Variants in SEC61A2 observed in about 807,000 individuals in gnomAD.
SEC61A2 encodes SEC61 translocon subunit alpha 2.
Under a neutral mutation model 59.9 loss-of-function variants are expected in SEC61A2, and 28 were observed. The observed-to-expected ratio is 0.47, with a 90% CI of 0.35 to 0.64. The LOEUF is 0.64. Among genes scored for constraint, SEC61A2 ranks in the 30% least tolerant of loss-of-function variants. SEC61A2 has a pLI of 0.01. For missense variants in SEC61A2, 340 were observed against 585.9 expected (o/e 0.58, Z 4.33); for synonymous variants, 202 against 214.4 (o/e 0.94, Z 0.50).
Position 12,164,673 on chromosome 10 carries a change from A to C in SEC61A2, c.*219A>C. ...TTACATTATTCATTAAAAAAAGTAC[A>C]TCTAGTGTTGCCTGTAATGCTGGAA... On this transcript the variant is annotated 3_prime_UTR_variant, in exon 12 of 12. Transcript: ENST00000298428. The surrounding 1 kb of genome is among the most constrained non-coding windows in gnomAD (Gnocchi z 7.3). The C allele has an allele frequency of 7.5e-7, 1 of 1,339,122 alleles. No individual in the cohort carries two copies. The highest frequency in any genetic ancestry group is 1.8e-5 in the South Asian group (1 of 56,878). 83.0% of individuals were successfully genotyped at this position (1,339,122 alleles called of 1,614,324 possible). A position where few individuals can be genotyped will look rare whatever the true frequency, so the allele number is the denominator to read the frequency against.
intron 1 of SEC61A2, among the ~76,000 whole-genome samples, chr10:12,131,968 A>G: frequency 2.4e-5 from 1 of 42,524 alleles, no homozygotes; most frequent in Non-Finnish European, 4.3e-5. Flanking sequence ...AAGTGCTGGG[A>G]TTACAGGCGT....
chr10:12,147,710 A>G (rs982868217), intron 4 of SEC61A2, among the ~76,000 whole-genome samples: 1 of 151,614 alleles, frequency 6.6e-6, no homozygotes, highest in Non-Finnish European at 1.5e-5. Context: ...ATTTCTATAC[A>G]TGTAGCATTT....
downstream of SEC61A2, chr10:12,165,942 T>C (rs904794478): frequency 2.0e-5 from 3 of 152,346 alleles, no homozygotes; most frequent in African/African-American, 7.2e-5. Context: ...GGTGGAAATA[T>C]GGCTTTTAAT....
chr10:12,136,236 T>C, intron 3 of SEC61A2, 66 bp downstream of exon 3: 1 of 1,032,688 alleles, frequency 9.7e-7, no homozygotes, highest in Non-Finnish European at 1.5e-6. Flanking sequence ...GGTTAGAATT[T>C]GAGAATTTTT....
At chr10:12,133,145 C>A in intron 1 of SEC61A2, 96 bp from the exon 2 acceptor site, 1 of 625,064 alleles carries the variant, frequency 1.6e-6, no homozygotes, top group South Asian at 2.1e-5. Context: ...GGGTGAATTG[C>A]TGGTGAAAGA....
intron 11 of SEC61A2, among the ~76,000 whole-genome samples, chr10:12,163,839 GT>G (rs1486086334): frequency 3.3e-5 from 5 of 151,884 alleles, no homozygotes; most frequent in African/African-American, 1.2e-4. Context: ...CCATTTTTCA[GT>G]TTTCCAGGTG....
At chr10:12,144,777 G>A (rs999677600) in intron 4 of SEC61A2, among the ~76,000 whole-genome samples, 3 of 152,170 alleles carry the variant, frequency 2.0e-5, no homozygotes, top group East Asian at 1.9e-4. Context: ...GGGGCCAGGC[G>A]CAGGGGCTCA....
Position 12,155,346 on chromosome 10 carries a change from A to G in SEC61A2, c.463-432A>G, listed in dbSNP as rs560977399. The G allele has an allele frequency of 5.0e-6, 8 of 1,584,832 alleles. No individual in the cohort carries two copies. In the East Asian group the frequency reaches 1.6e-4, roughly 31 times the overall value. ...GCCCTTAGACTTATCCTTTGATGGC[A>G]GTGTACATTTCCATCTTGCTATTAT... On this transcript the variant is annotated intron_variant, in intron 6 of 11. Coordinates refer to ENST00000298428, the MANE Select transcript of SEC61A2 (RefSeq NM_018144.4). The surrounding 1 kb of genome is among the most constrained non-coding windows in gnomAD (Gnocchi z 4.3).
At position 12,152,761 on chromosome 10, in the gene SEC61A2, C is replaced by T. The variant is rs186033578; in HGVS notation, c.462+2800C>T. ...TACAAAAATTAGCAGGGCGTGGTGG[C>T]AGGAGCCTGTAGTCCCAGCTATTTG... On this transcript the variant is annotated intron_variant, in intron 6 of 11. Coordinates refer to ENST00000298428, the MANE Select transcript of SEC61A2 (RefSeq NM_018144.4). The surrounding 1 kb of genome is among the most constrained non-coding windows in gnomAD (Gnocchi z 5.5). Among the ~76,000 whole-genome samples, 4 of 152,058 alleles carry T rather than the reference C, an allele frequency of 2.6e-5. No homozygotes were observed. Among genetic ancestry groups the T allele is most frequent in the African/African-American group, 9.6e-5 (4 of 41,526 alleles).
intron 1 of SEC61A2, among the ~76,000 whole-genome samples, chr10:12,131,820 A>G (rs1467229271): frequency 1.5e-5 from 2 of 136,690 alleles, no homozygotes; most frequent in African/African-American, 5.4e-5. Context: ...CCTCCTGGGG[A>G]GGGGGGACTA....
chr10:12,134,878 C>T (rs1319336699), intron 2 of SEC61A2, among the ~76,000 whole-genome samples: 5 of 150,948 alleles, frequency 3.3e-5, no homozygotes, highest in Non-Finnish European at 5.9e-5. Flanking sequence ...GAGACTGCGC[C>T]ACTGCGCTGC....
In SEC61A2 at chr10:12,139,804, A is replaced by G. The variant is rs1011438566; in HGVS notation, c.142-3313A>G. 6.0e-5 allele frequency among the ~76,000 whole-genome samples: 9 copies of G among 150,894 alleles called. No homozygotes were observed. In the South Asian group the frequency reaches 1.3e-3, roughly 21 times the overall value. The stretch of plus-strand genomic sequence containing the variant: ...GTCTCAAAAAATAATAAATAAAAAT[A>G]AATAAAAATACAAAATTGGCTGGGC... On this transcript the variant is annotated intron_variant, in intron 3 of 11. Transcript: ENST00000298428.
chr10:12,146,579 G>A (rs531929541), intron 4 of SEC61A2, among the ~76,000 whole-genome samples: 4 of 151,736 alleles, frequency 2.6e-5, no homozygotes, highest in South Asian at 2.1e-4. Flanking sequence ...GTGCAGTGGC[G>A]CGATGTCAGC....
chr10:12,151,399 C>G (rs1834271065), intron 6 of SEC61A2, among the ~76,000 whole-genome samples: 1 of 150,472 alleles, frequency 6.6e-6, no homozygotes, highest in South Asian at 2.1e-4. Context: ...GCAACCTCCC[C>G]TTCCTGGTTT....
In SEC61A2 at chr10:12,152,920, G is replaced by T. The variant is rs181318683; in HGVS notation, c.463-2858G>T. On this transcript the variant is annotated intron_variant, in intron 6 of 11. Coordinates refer to ENST00000298428, the MANE Select transcript of SEC61A2 (RefSeq NM_018144.4). This position sits in a 1 kb window ranked among gnomAD's most constrained non-coding sequence, Gnocchi z 5.5. ...ATAAAACGACAAAAATTAGCCAGGC[G>T]TGGCGGTGTGTGCCTGTAATCCCAG... 6.6e-6 allele frequency among the ~76,000 whole-genome samples: 1 copy of T among 151,654 alleles called. No individual in the cohort carries two copies. The highest frequency in any genetic ancestry group is 1.5e-5 in the Non-Finnish European group (1 of 67,930).
At position 12,143,294 on chromosome 10, in the gene SEC61A2, G is replaced by A; in HGVS notation, c.220+99G>A. The A allele has an allele frequency of 1.2e-6, 1 of 853,586 alleles. No individual in the cohort carries two copies. Among genetic ancestry groups the A allele is most frequent in the Non-Finnish European group, 2.0e-6 (1 of 497,706 alleles). 52.9% of individuals were successfully genotyped at this position (853,586 alleles called of 1,614,324 possible). A position where few individuals can be genotyped will look rare whatever the true frequency, so the allele number is the denominator to read the frequency against. On this transcript the variant is annotated intron_variant, in intron 4 of 11. Coordinates refer to ENST00000298428, the MANE Select transcript of SEC61A2 (RefSeq NM_018144.4). This position sits in a 1 kb window ranked among gnomAD's most constrained non-coding sequence, Gnocchi z 4.8. ...TTTCAATGTCTACAGGGAGGGGGAG[G>A]ATATCATTGCCTAGAAAAGCCTAGT...
At chr10:12,131,791 C>T (rs1483734117) in intron 1 of SEC61A2, among the ~76,000 whole-genome samples, 1 of 137,988 alleles carries the variant, frequency 7.2e-6, no homozygotes, top group Non-Finnish European at 1.5e-5. Flanking sequence ...CCTGGGGTCA[C>T]GCCATTCTCC....
intron 4 of SEC61A2, among the ~76,000 whole-genome samples, chr10:12,146,807 C>T (rs11594985): frequency 0.35 from 52,949 of 152,040 alleles, 9,644 homozygotes; most frequent in Non-Finnish European, 0.41. Flanking sequence ...TGTGAGCCAC[C>T]GCGCCCAGCC....
rs1456893972 is a variant in SEC61A2 at position 12,152,753 on chromosome 10, C to T, written c.462+2792C>T. Among the ~76,000 whole-genome samples the T allele has an allele frequency of 6.6e-6, 1 of 151,910 alleles. No homozygotes were observed. On this transcript the variant is annotated intron_variant, in intron 6 of 11. Transcript: ENST00000298428. This position sits in a 1 kb window ranked among gnomAD's most constrained non-coding sequence, Gnocchi z 5.5. ...ACCAAAAATACAAAAATTAGCAGGG[C>T]GTGGTGGCAGGAGCCTGTAGTCCCA...
Sources: allele counts gnomAD v4.1 joint callset (sites outside exome capture counted in the v4.1 genomes callset), GRCh38; gene constraint gnomAD v4.1.1; non-coding constraint Gnocchi (gnomAD v3.1); transcripts MANE v1.5; gene names NCBI Gene and HGNC (gene_info 2026-07-23, HGNC 2026-07-21).